SCFD2: variants seen among roughly 807,000 people sequenced by gnomAD.
The protein encoded by SCFD2 is sec1 family domain-containing protein 2.
A neutral mutation model predicts 58.9 loss-of-function variants in SCFD2; 54 were observed. That is an observed-to-expected ratio of 0.92 (90% CI 0.74 to 1.15). The LOEUF (loss-of-function observed/expected upper bound fraction) is 1.15. SCFD2 is among the 50% of genes most tolerant of loss of function. The pLI is 0.00. For missense variants in SCFD2, 805 were observed against 836.6 expected, an observed-to-expected ratio of 0.96 and a Z score of 0.47; for synonymous variants, 321 against 335.9, an observed-to-expected ratio of 0.96 and a Z score of 0.49.
chr4:53,278,733 T>C (rs1422391610), intron 3 of SCFD2, among the ~76,000 whole-genome samples: 4 of 152,150 alleles, frequency 2.6e-5, no homozygotes, highest in African/African-American at 9.7e-5. Flanking sequence ...CCTTCTCTAC[T>C]CTGTTCTATT....
chr4:53,166,315 C>T (rs1366198129), intron 4 of SCFD2, among the ~76,000 whole-genome samples: 1 of 152,112 alleles, frequency 6.6e-6, no homozygotes, highest in African/African-American at 2.4e-5. Context: ...AGGAGGCGAC[C>T]TCAGAGGTCA....
At chr4:53,314,685 A>G (rs1732803843) in intron 2 of SCFD2, among the ~76,000 whole-genome samples, 1 of 152,218 alleles carries the variant, frequency 6.6e-6, no homozygotes, top group South Asian at 2.1e-4. Flanking sequence ...AGTTACATCT[A>G]TTAAGATTTT....
chr4:53,236,451 G>GATATATATATACAT (rs1672327609), intron 4 of SCFD2, among the ~76,000 whole-genome samples: 1 of 144,626 alleles, frequency 6.9e-6, no homozygotes, highest in Admixed American at 7.0e-5. Context: ...CATATATAAG[G>GATATATATATACAT]ATATATATAT....
At position 53,295,428 on chromosome 4, in the gene SCFD2, T is replaced by A. The variant is rs549558882; in HGVS notation, c.1135+18208A>T. On this transcript the variant is annotated intron_variant, in intron 3 of 8. Transcript: ENST00000401642. ...TGTGAATGGGAGTTCATTCATGATTTGGCTCTGTTTGTCTGTTATTGGTGT... is the reference window on the plus strand; with the variant it reads ...TGTGAATGGGAGTTCATTCATGATTAGGCTCTGTTTGTCTGTTATTGGTGT... Among the ~76,000 whole-genome samples, 13 of 152,314 alleles carry A rather than the reference T, an allele frequency of 8.5e-5. No individual in the cohort carries two copies. In the South Asian group the frequency reaches 2.5e-3, roughly 29 times the overall value.
At chr4:53,218,411 C>A (rs1728929251) in intron 4 of SCFD2, among the ~76,000 whole-genome samples, 1 of 152,190 alleles carries the variant, frequency 6.6e-6, no homozygotes, top group East Asian at 1.9e-4. Flanking sequence ...GTCACTGATA[C>A]CCTTTCTTCC....
intron 4 of SCFD2, among the ~76,000 whole-genome samples, chr4:53,206,931 G>A (rs1728422805): frequency 6.6e-6 from 1 of 152,048 alleles, no homozygotes; most frequent in Non-Finnish European, 1.5e-5. Context: ...AATTTATAAA[G>A]ACATGAAGTT....
chr4:53,007,730 C>T (rs953592478), intron 5 of SCFD2, among the ~76,000 whole-genome samples: 3 of 152,208 alleles, frequency 2.0e-5, no homozygotes, highest in African/African-American at 7.2e-5. Context: ...TGCCTAAAGT[C>T]AGGCTGCCAA....
chr4:53,189,227 T>TA (rs977184517), intron 4 of SCFD2, among the ~76,000 whole-genome samples: 2 of 151,988 alleles, frequency 1.3e-5, no homozygotes, highest in Middle Eastern at 3.2e-3. Context: ...AACAAAACAG[T>TA]AAAAAAGTGA....
At position 53,117,508 on chromosome 4, in the gene SCFD2, A is replaced by G. The variant is rs184011103; in HGVS notation, c.1561+27825T>C. ...ACCTCAAAGGTAAGAGGTGATTTAA[A>G]AAAACAAAAAACAAAAAACACATAC... On this transcript the variant is annotated intron_variant, in intron 5 of 8. Coordinates refer to ENST00000401642, the MANE Select transcript of SCFD2 (RefSeq NM_152540.4). Among the ~76,000 whole-genome samples, 33 of 152,240 alleles carry G rather than the reference A, an allele frequency of 2.2e-4. No individual in the cohort carries two copies. In the East Asian group the frequency reaches 6.0e-3, roughly 28 times the overall value.
At chr4:53,177,536 G>C (rs1232829064) in intron 4 of SCFD2, among the ~76,000 whole-genome samples, 1 of 152,188 alleles carries the variant, frequency 6.6e-6, no homozygotes, top group Non-Finnish European at 1.5e-5. Flanking sequence ...TGGGAGAGGA[G>C]CCAAGATGGT....
chr4:53,032,164 C>T (rs2148819218), intron 5 of SCFD2, among the ~76,000 whole-genome samples: 1 of 152,218 alleles, frequency 6.6e-6, no homozygotes, highest in South Asian at 2.1e-4. Flanking sequence ...AATTTTCAAC[C>T]CAGAATTTCA....
intron 5 of SCFD2, among the ~76,000 whole-genome samples, chr4:53,068,382 A>G (rs1723723020): frequency 6.6e-6 from 1 of 152,092 alleles, no homozygotes; most frequent in African/African-American, 2.4e-5. Context: ...GCACCAGTTA[A>G]CTTATTTAAA....
At chr4:52,956,366 G>T (rs1375281158) in intron 5 of SCFD2, 2 of 379,364 alleles carry the variant, frequency 5.3e-6, no homozygotes, top group Non-Finnish European at 1.0e-5. Flanking sequence ...TTTATGGCAA[G>T]TGACAGAAAT....
intron 4 of SCFD2, among the ~76,000 whole-genome samples, chr4:53,199,735 G>A (rs1233841062): frequency 6.6e-6 from 1 of 152,082 alleles, no homozygotes; most frequent in African/African-American, 2.4e-5. Context: ...GACCAGAAAG[G>A]GCATGGAAGC....
chr4:53,074,148 T>C (rs1350806734), intron 5 of SCFD2, among the ~76,000 whole-genome samples: 1 of 152,230 alleles, frequency 6.6e-6, no homozygotes, highest in East Asian at 1.9e-4. Flanking sequence ...AAATCCTTTG[T>C]TGTCATTTCA....
intron 2 of SCFD2, among the ~76,000 whole-genome samples, chr4:53,346,039 T>C (rs988795809): frequency 6.6e-6 from 1 of 152,136 alleles, no homozygotes; most frequent in African/African-American, 2.4e-5. Context: ...ACATGGCACA[T>C]GTATACCTAT....
intron 5 of SCFD2, among the ~76,000 whole-genome samples, chr4:53,044,035 T>C (rs148491756): frequency 4.6e-5 from 7 of 152,256 alleles, no homozygotes; most frequent in Admixed American, 4.6e-4. Context: ...GTGCAATTAG[T>C]AGACAGCTGC....
chr4:53,159,611 A>C (rs2148925811), intron 4 of SCFD2, among the ~76,000 whole-genome samples: 1 of 152,328 alleles, frequency 6.6e-6, no homozygotes, highest in South Asian at 2.1e-4. Context: ...GGCTCCTTAG[A>C]GTTCTCTGGT....
intron 3 of SCFD2, among the ~76,000 whole-genome samples, chr4:53,288,511 G>C (rs1037676495): frequency 3.9e-5 from 6 of 152,006 alleles, no homozygotes; most frequent in African/African-American, 1.4e-4. Context: ...ACATACAAGG[G>C]AATCCCCATC....
Sources: gnomAD v4.1 joint callset for allele counts (sites outside exome capture counted in the v4.1 genomes callset) on GRCh38, gnomAD v4.1.1 for gene constraint, MANE v1.5 for transcripts, NCBI Gene and HGNC (gene_info 2026-07-23, HGNC 2026-07-21) for gene names.